Variants in CHRM3 observed in about 807,000 individuals in gnomAD.
The protein encoded by CHRM3 is muscarinic acetylcholine receptor M3.
In CHRM3, 11 loss-of-function variants were observed where a neutral mutation model predicts 41.8. The observed-to-expected ratio is 0.26, with a 90% CI of 0.17 to 0.44. CHRM3 has a LOEUF of 0.44. Ranked by LOEUF, CHRM3 falls within the 20% of genes least tolerant of loss-of-function variation. The probability of loss-of-function intolerance (pLI) is 1.00; values close to 1 mark genes in which losing one functional copy is unlikely to be tolerated. For synonymous variants in CHRM3, 297 were observed against 301.4 expected (o/e 0.99, Z 0.15); for missense variants, 571 against 745.4 (o/e 0.77, Z 2.72).
At chr1:239,507,926 G>C (rs1052978742) in intron 2 of CHRM3, among the ~76,000 whole-genome samples, 3 of 152,120 alleles carry the variant, frequency 2.0e-5, no homozygotes, top group Admixed American at 6.6e-5. Context: ...AGTCACAATT[G>C]GAGAAAATCT....
At chr1:239,851,521 T>A (rs1339318408) in intron 6 of CHRM3, among the ~76,000 whole-genome samples, 2 of 152,212 alleles carry the variant, frequency 1.3e-5, no homozygotes, top group Non-Finnish European at 2.9e-5. Flanking sequence ...TGCAATTGTC[T>A]GACAAATGAA....
At chr1:239,551,127 A>ATATAAGT (rs1390311644) in intron 3 of CHRM3, among the ~76,000 whole-genome samples, 1 of 140,756 alleles carries the variant, frequency 7.1e-6, no homozygotes, top group Non-Finnish European at 1.5e-5. Flanking sequence ...TGGAAAATGC[A>ATATAAGT]TATAAGTGTT....
At chr1:239,489,447 C>G (rs1039146486) in intron 1 of CHRM3, among the ~76,000 whole-genome samples, 1 of 151,832 alleles carries the variant, frequency 6.6e-6, no homozygotes, top group Admixed American at 6.6e-5. Context: ...TTAGGAACAA[C>G]TTCGTTTCTC....
At chr1:239,429,973 CTT>C (rs35583332) in intron 1 of CHRM3, among the ~76,000 whole-genome samples, 2 of 138,172 alleles carry the variant, frequency 1.4e-5, no homozygotes, top group South Asian at 2.4e-4. Context: ...CCCAGACAAT[CTT>C]TTTTTTTTTT....
At chr1:239,810,382 C>T (rs1177208778) in intron 5 of CHRM3, among the ~76,000 whole-genome samples, 3 of 152,104 alleles carry the variant, frequency 2.0e-5, no homozygotes, top group Middle Eastern at 3.2e-3. Flanking sequence ...TTCCCCAGGG[C>T]GGAGGGGACC....
chr1:239,504,604 T>A (rs1285248614), intron 2 of CHRM3, among the ~76,000 whole-genome samples: 1 of 152,180 alleles, frequency 6.6e-6, no homozygotes, highest in Non-Finnish European at 1.5e-5. Flanking sequence ...ATGAAAGAGA[T>A]ACTTGCACAC....
chr1:239,618,688 C>T (rs1342427950), intron 3 of CHRM3, among the ~76,000 whole-genome samples: 12 of 150,600 alleles, frequency 8.0e-5, no homozygotes, highest in African/African-American at 2.4e-4. Context: ...ACTAAAAATA[C>T]AAAAAATTAG....
chr1:239,517,949 T>C (rs567603932), intron 2 of CHRM3, among the ~76,000 whole-genome samples: 32 of 152,158 alleles, frequency 2.1e-4, no homozygotes, highest in African/African-American at 7.2e-4. Context: ...CTACTAAAAA[T>C]ACAAAAATTA....
chr1:239,562,323 G>A (rs1660935199), intron 3 of CHRM3, among the ~76,000 whole-genome samples: 1 of 152,066 alleles, frequency 6.6e-6, no homozygotes. Flanking sequence ...TTTACAAAAT[G>A]GATAAGAGAT....
intron 3 of CHRM3, among the ~76,000 whole-genome samples, chr1:239,575,766 T>A (rs1012468093): frequency 3.3e-5 from 5 of 151,410 alleles, no homozygotes; most frequent in Non-Finnish European, 7.4e-5. Flanking sequence ...TATAGAGATA[T>A]ATATACACAC....
intron 1 of CHRM3, among the ~76,000 whole-genome samples, chr1:239,430,370 A>G (rs926110740): frequency 6.6e-6 from 1 of 152,152 alleles, no homozygotes; most frequent in Non-Finnish European, 1.5e-5. Flanking sequence ...GATTAACTAA[A>G]TAGATGCCCA....
intron 5 of CHRM3, among the ~76,000 whole-genome samples, chr1:239,735,029 A>G (rs888047652): frequency 6.6e-6 from 1 of 152,196 alleles, no homozygotes; most frequent in Non-Finnish European, 1.5e-5. Context: ...ATGTTAGAAC[A>G]GGAAAAGAAT....
intron 5 of CHRM3, among the ~76,000 whole-genome samples, chr1:239,702,510 A>T (rs1176286496): frequency 6.6e-6 from 1 of 152,210 alleles, no homozygotes; most frequent in African/African-American, 2.4e-5. Context: ...CCCTTCCCAA[A>T]TAAAAACTTT....
At chr1:239,815,278 A>G (rs1028329229) in intron 5 of CHRM3, among the ~76,000 whole-genome samples, 7 of 152,210 alleles carry the variant, frequency 4.6e-5, no homozygotes, top group Admixed American at 1.3e-4. Flanking sequence ...GGACATATCA[A>G]AATGTACCCA....
intron 1 of CHRM3, among the ~76,000 whole-genome samples, chr1:239,458,624 A>G (rs1049880534): frequency 1.3e-5 from 2 of 152,156 alleles, no homozygotes; most frequent in African/African-American, 4.8e-5. Flanking sequence ...TAAATTCCAT[A>G]AGGTATCATC....
rs915008023 is a variant in CHRM3 at position 239,519,554 on chromosome 1, CT to C, written c.-421-26081del. Among the ~76,000 whole-genome samples the C allele has an allele frequency of 9.9e-5, 15 of 152,132 alleles. No individual in the cohort carries two copies. In the East Asian group the frequency reaches 2.7e-3, roughly 27 times the overall value. The stretch of plus-strand genomic sequence containing the variant: ...GGGTTAAGGCAGGCACAAGTATTCT[CT>C]TTTTTATCATCAAAAGAAGATCTAT... On this transcript the variant is annotated intron_variant, in intron 2 of 6. Coordinates refer to ENST00000676153, the MANE Select transcript of CHRM3 (RefSeq NM_001375978.1).
intron 5 of CHRM3, among the ~76,000 whole-genome samples, chr1:239,697,091 G>A (rs1400003816): frequency 6.6e-6 from 1 of 152,144 alleles, no homozygotes. Context: ...TAAACATGAA[G>A]TAAAGTAAAT....
chr1:239,799,200 A>T (rs569474), intron 5 of CHRM3, among the ~76,000 whole-genome samples: 86,809 of 152,014 alleles, frequency 0.57, 26,561 homozygotes, highest in African/African-American at 0.8. Context: ...CAGAAGGCCA[A>T]TGGACCGGGA....
intron 5 of CHRM3, among the ~76,000 whole-genome samples, chr1:239,804,344 T>TC (rs1209278690): frequency 1.4e-5 from 2 of 145,380 alleles, no homozygotes; most frequent in Non-Finnish European, 3.0e-5. Flanking sequence ...TTCATTGTGT[T>TC]TTTTTTTTAT....
Sources: allele counts gnomAD v4.1 joint callset (sites outside exome capture counted in the v4.1 genomes callset), GRCh38; gene constraint gnomAD v4.1.1; transcripts MANE v1.5; gene names NCBI Gene and HGNC (gene_info 2026-07-23, HGNC 2026-07-21).